The following DLG2 variants were observed in gnomAD, a reference collection of about 807,000 sequenced individuals.
DLG2 encodes the protein discs large MAGUK scaffold protein 2, also known as disks large homolog 2.
Under a neutral mutation model 132.5 loss-of-function variants are expected in DLG2, and 45 were observed. The observed-to-expected ratio is 0.34, with a 90% confidence interval of 0.27 to 0.44. The LOEUF (loss-of-function observed/expected upper bound fraction) is 0.44. DLG2 is among the 20% of genes least tolerant of loss of function. DLG2 has a pLI of 1.00. For synonymous variants in DLG2, 424 were observed against 419.6 expected (o/e 1.01, Z -0.13); for missense variants, 1,045 against 1,196.9 (o/e 0.87, Z 1.87).
intron 6 of DLG2, among the ~76,000 whole-genome samples, chr11:84,841,323 A>C (rs987928101): frequency 4.6e-5 from 7 of 152,028 alleles, no homozygotes; most frequent in African/African-American, 1.7e-4. Flanking sequence ...TTGTGAAAGA[A>C]ATAAAAAATA....
At chr11:84,812,433 A>C (rs965861594) in intron 6 of DLG2, among the ~76,000 whole-genome samples, 9 of 152,064 alleles carry the variant, frequency 5.9e-5, no homozygotes, top group Admixed American at 3.3e-4. Flanking sequence ...TGCACAATAA[A>C]ATTTTTTTAA....
chr11:83,835,997 G>T (rs997582645), intron 16 of DLG2, among the ~76,000 whole-genome samples: 5 of 152,162 alleles, frequency 3.3e-5, no homozygotes, highest in African/African-American at 1.2e-4. Flanking sequence ...AGTTGTGGAG[G>T]CTGATAAGGC....
chr11:84,882,490 G>C (rs1400812365), intron 6 of DLG2, among the ~76,000 whole-genome samples: 5 of 151,988 alleles, frequency 3.3e-5, no homozygotes, highest in Non-Finnish European at 5.9e-5. Context: ...AACACTGATA[G>C]GGTCATTTGC....
At chr11:85,545,842 T>C (rs1176154833) in intron 3 of DLG2, among the ~76,000 whole-genome samples, 6 of 152,176 alleles carry the variant, frequency 3.9e-5, no homozygotes, top group Admixed American at 3.9e-4. Flanking sequence ...GATATCCCCT[T>C]TACCATTTTT....
chr11:83,900,970 C>T (rs1016337858), intron 15 of DLG2, among the ~76,000 whole-genome samples: 2 of 152,186 alleles, frequency 1.3e-5, no homozygotes, highest in South Asian at 2.1e-4. Context: ...CCATAGGAAC[C>T]CACCTCTTGC....
chr11:84,850,743 C>T (rs1179527697), intron 6 of DLG2, among the ~76,000 whole-genome samples: 1 of 151,968 alleles, frequency 6.6e-6, no homozygotes, highest in Non-Finnish European at 1.5e-5. Flanking sequence ...TATTTTTATA[C>T]ACTAACAATG....
chr11:84,863,100 T>C (rs2084004316), intron 6 of DLG2, among the ~76,000 whole-genome samples: 1 of 152,070 alleles, frequency 6.6e-6, no homozygotes, highest in African/African-American at 2.4e-5. Flanking sequence ...ATGAAATAGC[T>C]GTACGTATTT....
At chr11:84,197,687 T>C (rs151186921) in intron 8 of DLG2, among the ~76,000 whole-genome samples, 1 of 152,336 alleles carries the variant, frequency 6.6e-6, no homozygotes, top group East Asian at 1.9e-4. Flanking sequence ...AATCTAAATG[T>C]TGACAACAAA....
At chr11:85,122,084 G>C (rs536786366) in intron 5 of DLG2, among the ~76,000 whole-genome samples, 58 of 152,256 alleles carry the variant, frequency 3.8e-4, no homozygotes, top group African/African-American at 1.3e-3. Flanking sequence ...ATCAACACTT[G>C]TAGTACATCT....
At chr11:84,829,783 A>T (rs1167668840) in intron 6 of DLG2, among the ~76,000 whole-genome samples, 1 of 151,682 alleles carries the variant, frequency 6.6e-6, no homozygotes, top group East Asian at 2.0e-4. Flanking sequence ...TACTTGAGAC[A>T]TTTTCTGTTT....
At chr11:84,313,235 C>T (rs1204560912) in intron 7 of DLG2, among the ~76,000 whole-genome samples, 2 of 152,050 alleles carry the variant, frequency 1.3e-5, no homozygotes, top group Non-Finnish European at 2.9e-5. Context: ...CGTGCCTCAG[C>T]CTCCTGAGTA....
At chr11:84,103,633 G>C (rs775747945) in intron 9 of DLG2, among the ~76,000 whole-genome samples, 6 of 151,924 alleles carry the variant, frequency 3.9e-5, no homozygotes, top group Non-Finnish European at 8.8e-5. Context: ...TCTTCCCCAC[G>C]AGCACAAACC....
At chr11:84,000,401 T>C (rs1453217875) in intron 11 of DLG2, among the ~76,000 whole-genome samples, 2 of 151,942 alleles carry the variant, frequency 1.3e-5, no homozygotes. Context: ...ATTCAAATAA[T>C]CAGGGTCTCA....
intron 18 of DLG2, among the ~76,000 whole-genome samples, chr11:83,639,664 G>A (rs1054326925): frequency 2.4e-4 from 36 of 151,590 alleles, no homozygotes; most frequent in African/African-American, 6.6e-4. Context: ...GTTAAATGAC[G>A]AGTTAATGGG....
At chr11:84,582,027 T>G (rs2099517809) in intron 6 of DLG2, among the ~76,000 whole-genome samples, 1 of 151,634 alleles carries the variant, frequency 6.6e-6, no homozygotes, top group South Asian at 2.1e-4. Context: ...TCAGTTAAAG[T>G]AACTGGAACC....
intron 10 of DLG2, among the ~76,000 whole-genome samples, chr11:84,067,469 G>A (rs2096694278): frequency 6.6e-6 from 1 of 152,082 alleles, no homozygotes; most frequent in South Asian, 2.1e-4. Flanking sequence ...GTCATTAAAG[G>A]TAGGTTATGA....
intron 3 of DLG2, among the ~76,000 whole-genome samples, chr11:85,355,841 A>C (rs1488874052): frequency 4.6e-5 from 7 of 152,178 alleles, no homozygotes; most frequent in Non-Finnish European, 1.0e-4. Flanking sequence ...CTCCAAGTCG[A>C]ATCACCCTTG....
intron 4 of DLG2, among the ~76,000 whole-genome samples, chr11:85,262,039 C>T (rs564761622): frequency 8.5e-5 from 13 of 152,206 alleles, no homozygotes; most frequent in African/African-American, 2.4e-4. Flanking sequence ...TGGCGAGGCA[C>T]ATTTGACAGG....
At chr11:83,893,888 G>A (rs11233792) in intron 15 of DLG2, among the ~76,000 whole-genome samples, 1 of 152,144 alleles carries the variant, frequency 6.6e-6, no homozygotes, top group African/African-American at 2.4e-5. Flanking sequence ...TCATTTAACA[G>A]GAAGCATCCA....
Sources: allele counts gnomAD v4.1 joint callset (sites outside exome capture counted in the v4.1 genomes callset), GRCh38; gene constraint gnomAD v4.1.1; transcripts MANE v1.5; gene names NCBI Gene and HGNC (gene_info 2026-07-23, HGNC 2026-07-21).